The following PDE11A variants were observed in gnomAD, a reference collection of about 807,000 sequenced individuals.
The protein encoded by PDE11A is dual 3',5'-cyclic-AMP and -GMP phosphodiesterase 11A.
In PDE11A, 100 loss-of-function variants were observed where a neutral mutation model predicts 100.5. That is an observed-to-expected ratio of 1.00 (90% CI 0.85 to 1.18). The LOEUF (loss-of-function observed/expected upper bound fraction) is 1.18. PDE11A is among the 50% of genes most tolerant of loss of function. The pLI, the probability that PDE11A is intolerant of heterozygous loss-of-function variation, is 0.00. For synonymous variants in PDE11A, 381 were observed against 420.8 expected (o/e 0.91, Z 1.16); for missense variants, 1,141 against 1,152.6 (o/e 0.99, Z 0.15).
chr2:177,890,851 C>G (rs1244507672), intron 4 of PDE11A, among the ~76,000 whole-genome samples: 1 of 152,112 alleles, frequency 6.6e-6, no homozygotes, highest in Non-Finnish European at 1.5e-5. Context: ...AATGTAATCT[C>G]ATTTATGTAC....
intron 15 of PDE11A, among the ~76,000 whole-genome samples, chr2:177,685,220 A>G (rs1489306148): frequency 6.6e-6 from 1 of 152,166 alleles, no homozygotes; most frequent in Non-Finnish European, 1.5e-5. Context: ...CTCTTTAAAC[A>G]CTGGTTTCAC....
intron 8 of PDE11A, among the ~76,000 whole-genome samples, chr2:177,817,138 T>C (rs1208521841): frequency 6.6e-6 from 1 of 152,212 alleles, no homozygotes; most frequent in African/African-American, 2.4e-5. Context: ...ATGAATTTAA[T>C]GTCATTGTAG....
intron 2 of PDE11A, among the ~76,000 whole-genome samples, chr2:178,086,745 A>C (rs1262973514): frequency 1.3e-5 from 2 of 152,212 alleles, no homozygotes; most frequent in African/African-American, 4.8e-5. Context: ...GATAGACAAC[A>C]GTCGTTAAAA....
chr2:177,880,404 C>T (rs1211017942), intron 4 of PDE11A, among the ~76,000 whole-genome samples: 1 of 152,054 alleles, frequency 6.6e-6, no homozygotes, highest in Non-Finnish European at 1.5e-5. Context: ...AGGCTCAGGC[C>T]CCGGTTGGCA....
At chr2:177,920,213 T>C (rs10180052) in intron 2 of PDE11A, among the ~76,000 whole-genome samples, 9,592 of 152,122 alleles carry the variant, frequency 0.063, 315 homozygotes, top group South Asian at 0.095. Flanking sequence ...GACTTCACAC[T>C]CATTTAAAAT....
intron 2 of PDE11A, among the ~76,000 whole-genome samples, chr2:177,987,338 A>C (rs984832862): frequency 3.3e-5 from 5 of 152,226 alleles, no homozygotes; most frequent in African/African-American, 7.2e-5. Context: ...ATATTTGCTA[A>C]ATCAAGTATT....
chr2:177,929,006 T>A (rs186297514), intron 2 of PDE11A, among the ~76,000 whole-genome samples: 70 of 151,018 alleles, frequency 4.6e-4, no homozygotes, highest in African/African-American at 1.7e-3. Flanking sequence ...CATGGGGGGA[T>A]GATTAAAAAA....
At chr2:177,863,161 A>T (rs2083971051) in intron 5 of PDE11A, among the ~76,000 whole-genome samples, 1 of 151,966 alleles carries the variant, frequency 6.6e-6, no homozygotes, top group Admixed American at 6.6e-5. Flanking sequence ...CCATTATCTT[A>T]CACCATACAC....
At chr2:177,866,633 C>CCTTA (rs2084034618) in intron 5 of PDE11A, among the ~76,000 whole-genome samples, 1 of 152,170 alleles carries the variant, frequency 6.6e-6, no homozygotes. Context: ...AGCTGAAAGG[C>CCTTA]CTTAGTAGGA....
chr2:177,942,922 A>C (rs918169501), intron 2 of PDE11A, among the ~76,000 whole-genome samples: 2 of 152,038 alleles, frequency 1.3e-5, no homozygotes, highest in African/African-American at 4.8e-5. Flanking sequence ...TTCTGTTTCT[A>C]TGAATTCAAC....
chr2:177,657,421 G>T (rs1208039932), intron 19 of PDE11A, among the ~76,000 whole-genome samples: 1 of 152,146 alleles, frequency 6.6e-6, no homozygotes, highest in Non-Finnish European at 1.5e-5. Context: ...CTTTGAAAAA[G>T]AATAGCCCTA....
intron 2 of PDE11A, among the ~76,000 whole-genome samples, chr2:177,996,626 T>G (rs907642836): frequency 2.6e-5 from 4 of 152,134 alleles, no homozygotes; most frequent in Admixed American, 2.6e-4. Context: ...GCAACTTACT[T>G]TCTCCTAAAA....
In PDE11A at chr2:177,836,795, C is replaced by T. The variant is rs190119849; in HGVS notation, c.1500+3456G>A. Among the ~76,000 whole-genome samples, 695 of 152,256 alleles carry T rather than the reference C, an allele frequency of 4.6e-3. 4 individuals are homozygous for T. The highest frequency in any genetic ancestry group is 0.037 in the Middle Eastern group (11 of 294). ...GACGGGAGGAACAAACAACTCCAGA[C>T]GCGCCACCTGAAGAGCTGTAACACT... is the stretch of plus-strand genomic sequence containing the variant. On this transcript the variant is annotated intron_variant, in intron 6 of 19. Coordinates refer to ENST00000286063, the MANE Select transcript of PDE11A (RefSeq NM_016953.4).
At chr2:177,831,295 C>T (rs911596551) in intron 6 of PDE11A, among the ~76,000 whole-genome samples, 1 of 152,210 alleles carries the variant, frequency 6.6e-6, no homozygotes, top group Admixed American at 6.5e-5. Context: ...CCCTTTGTAG[C>T]TCCTATCAAA....
chr2:177,911,877 C>T (rs886965689), intron 2 of PDE11A, among the ~76,000 whole-genome samples: 23 of 150,704 alleles, frequency 1.5e-4, no homozygotes, highest in African/African-American at 5.6e-4. Context: ...GAGTGAGACT[C>T]CATCTCCAAA....
Position 177,769,359 on chromosome 2 carries a change from A to G in PDE11A, c.1752T>C (p.His584=). ...CAACTTCAGCTTTTGAACATGTTGC[A>G]TGGTATGATAGCACCTGATTCAGAA... ...QSVALDVLSY[H]ATCSKAEVDK... is the part of the protein sequence containing the mutation. Residue 584 remains histidine (H), a synonymous_variant, in exon 10 of 20, where the codon CAT becomes CAC. Transcript: ENST00000286063. 1 of 1,590,472 alleles carries G rather than the reference A, an allele frequency of 6.3e-7. No homozygotes were observed. Among genetic ancestry groups the G allele is most frequent in the South Asian group, 1.1e-5 (1 of 90,602 alleles).
chr2:177,936,973 T>G (rs921611898), intron 2 of PDE11A, among the ~76,000 whole-genome samples: 3 of 152,144 alleles, frequency 2.0e-5, no homozygotes, highest in African/African-American at 7.2e-5. Flanking sequence ...TATTTTAATA[T>G]CTTTTTGATA....
rs1429164840 is a variant in PDE11A, at chr2:178,072,739, C to T, written c.-302G>A. 2 of 1,334,938 alleles carry T rather than the reference C, an allele frequency of 1.5e-6. No individual in the cohort carries two copies. Among genetic ancestry groups the T allele is most frequent in the African/African-American group, 1.5e-5 (1 of 67,246 alleles). 82.7% of individuals were successfully genotyped at this position (1,334,938 alleles called of 1,614,324 possible). ...AACCCGAGCTATCGCTGCTCCTGTT[C>T]TGGCTGCCGCCGCTGCTGCTGGAAC... On this transcript the variant is annotated 5_prime_UTR_variant, in exon 1 of 20. Coordinates refer to ENST00000286063, the MANE Select transcript of PDE11A (RefSeq NM_016953.4).
chr2:177,716,338 T>C (rs1484751634), intron 12 of PDE11A, among the ~76,000 whole-genome samples: 2 of 152,196 alleles, frequency 1.3e-5, no homozygotes, highest in Non-Finnish European at 2.9e-5. Context: ...CTCCAGTTCC[T>C]GAGTCTCGTT....
Sources: allele counts gnomAD v4.1 joint callset (sites outside exome capture counted in the v4.1 genomes callset), GRCh38; gene constraint gnomAD v4.1.1; transcripts MANE v1.5; gene names NCBI Gene and HGNC (gene_info 2026-07-23, HGNC 2026-07-21).